The following ACKR3 variants were observed in gnomAD, a reference collection of about 807,000 sequenced individuals.
The protein encoded by ACKR3 is atypical chemokine receptor 3.
In ACKR3, 6 loss-of-function variants were observed where a neutral mutation model predicts 22.4. The ratio of observed to expected loss-of-function variants is 0.27; its 90% CI spans 0.15 to 0.53. The LOEUF is 0.53. Ranked by LOEUF, ACKR3 falls within the 20% of genes least tolerant of loss-of-function variation. ACKR3 has a pLI of 0.96. For synonymous variants in ACKR3, 209 were observed against 205.2 expected (o/e 1.02, Z -0.16); for missense variants, 396 against 475.2 (o/e 0.83, Z 1.55).
the ACKR3 span, among the ~76,000 whole-genome samples, chr2:236,549,461 G>A: frequency 1.3e-5 from 2 of 152,232 alleles, no homozygotes; most frequent in Non-Finnish European, 2.9e-5. The surrounding 1 kb of genome is among the most constrained non-coding windows in gnomAD (Gnocchi z 5.3). Context: ...ACACAGTGAG[G>A]TGGCATGTCT....
chr2:236,575,007 A>T (rs1032695029), intron 1 of ACKR3, among the ~76,000 whole-genome samples: 1 of 152,128 alleles, frequency 6.6e-6, no homozygotes, highest in Non-Finnish European at 1.5e-5. Flanking sequence ...GCCGCTAAAA[A>T]GGTGACCCCT....
chr2:236,574,281 T>A lies in ACKR3; in HGVS notation c.-27+4357T>A, dbSNP rs899197589. On this transcript the variant is annotated intron_variant, in intron 1 of 1. Transcript: ENST00000272928. This position sits in a 1 kb window ranked among gnomAD's most constrained non-coding sequence, Gnocchi z 5.6. ...AGTCGCTGGTCTTGGTGGGGCACGA[T>A]TAACTGCTGGCTCATTGAGTACCTA... Among the ~76,000 whole-genome samples, 5 of 152,104 alleles carry A rather than the reference T, an allele frequency of 3.3e-5. No individual in the cohort carries two copies. The highest frequency in any genetic ancestry group is 1.2e-4 in the African/African-American group (5 of 41,414).
Position 236,580,873 on chromosome 2 carries a change from G to A in ACKR3, c.408G>A (p.Thr136=), listed in dbSNP as rs777218823. ...INLFGSIFFL[T]CMSVDRYLSI... is the part of the protein sequence containing the mutation. ...TCTTCGGCAGCATTTTCTTCCTCAC[G>A]TGCATGAGCGTGGACCGCTACCTCT... The change falls in exon 2 of 2, where the codon ACG becomes ACA. Residue 136 remains threonine (T), a synonymous_variant. Transcript: ENST00000272928. 3.0e-5 allele frequency: 49 copies of A among 1,614,012 alleles called. No individual in the cohort carries two copies. The highest frequency in any genetic ancestry group is 3.3e-5 in the Non-Finnish European group (39 of 1,180,030).
chr2:236,549,118 T>A, the ACKR3 span, among the ~76,000 whole-genome samples: 1 of 152,244 alleles, frequency 6.6e-6, no homozygotes, highest in Non-Finnish European at 1.5e-5. The surrounding 1 kb of genome is among the most constrained non-coding windows in gnomAD (Gnocchi z 5.3). Context: ...AGATAAGCTC[T>A]TCTCATTTCC....
chr2:236,551,896 G>A, the ACKR3 span, among the ~76,000 whole-genome samples: 1 of 152,126 alleles, frequency 6.6e-6, no homozygotes, highest in Non-Finnish European at 1.5e-5. Flanking sequence ...CGTTGCCCTG[G>A]TCCCGGCAGA....
At chr2:236,570,554 A>C (rs1691287720) in intron 1 of ACKR3, among the ~76,000 whole-genome samples, 1 of 152,204 alleles carries the variant, frequency 6.6e-6, no homozygotes, top group Non-Finnish European at 1.5e-5. Context: ...TCTTCTCTTG[A>C]TGGCACGCTT....
chr2:236,574,314 C>G lies in ACKR3; in HGVS notation c.-27+4390C>G, dbSNP rs558060653. 8.5e-5 allele frequency among the ~76,000 whole-genome samples: 13 copies of G among 152,230 alleles called. No homozygotes were observed. The South Asian group carries it at 2.5e-3, about 29-fold the overall frequency. On this transcript the variant is annotated intron_variant, in intron 1 of 1. Coordinates refer to ENST00000272928, the MANE Select transcript of ACKR3 (RefSeq NM_020311.3). This position sits in a 1 kb window ranked among gnomAD's most constrained non-coding sequence, Gnocchi z 5.6. ...TGGCTCATTGAGTACCTACTATGTGCAGCTGTAGCTGTATAGCTGTATAGC... is the reference window on the plus strand; with the variant it reads ...TGGCTCATTGAGTACCTACTATGTGGAGCTGTAGCTGTATAGCTGTATAGC...
chr2:236,560,479 T>C, the ACKR3 span, among the ~76,000 whole-genome samples: 1 of 152,224 alleles, frequency 6.6e-6, no homozygotes, highest in Non-Finnish European at 1.5e-5. Flanking sequence ...ATGTCTTCTT[T>C]GGAGAAATGT....
At chr2:236,571,907 A>G (rs1360618435) in intron 1 of ACKR3, among the ~76,000 whole-genome samples, 1 of 152,232 alleles carries the variant, frequency 6.6e-6, no homozygotes, top group African/African-American at 2.4e-5. Context: ...GTACCTTTAA[A>G]CCAGGCAATC....
chr2:236,545,616 A>C, the ACKR3 span, among the ~76,000 whole-genome samples: 1 of 152,178 alleles, frequency 6.6e-6, no homozygotes, highest in Non-Finnish European at 1.5e-5. The surrounding 1 kb of genome is among the most constrained non-coding windows in gnomAD (Gnocchi z 5.3). Flanking sequence ...TCGTCAATAA[A>C]AGTGTGGCAG....
Position 236,574,183 on chromosome 2 carries a change from C to G in ACKR3, c.-27+4259C>G, listed in dbSNP as rs1219101513. On this transcript the variant is annotated intron_variant, in intron 1 of 1. Transcript: ENST00000272928. The surrounding 1 kb of genome is among the most constrained non-coding windows in gnomAD (Gnocchi z 5.6). ...GCAGTGCCTCCTGGAACAAGAGGCT[C>G]AGTCCGTCAACACCAGCTCGGTGAC... is the stretch of plus-strand genomic sequence containing the variant. Among the ~76,000 whole-genome samples the G allele has an allele frequency of 1.3e-5, 2 of 152,050 alleles. No homozygotes were observed. The highest frequency in any genetic ancestry group is 4.8e-5 in the African/African-American group (2 of 41,416).
At chr2:236,555,853 G>T in the ACKR3 span, among the ~76,000 whole-genome samples, 1 of 151,888 alleles carries the variant, frequency 6.6e-6, no homozygotes, top group African/African-American at 2.4e-5. Flanking sequence ...GGAGGCATTG[G>T]CTCACTCCTT....
At chr2:236,564,561 C>T (rs1424835020), upstream of ACKR3, among the ~76,000 whole-genome samples, 1 of 151,672 alleles carries the variant, frequency 6.6e-6, no homozygotes, top group East Asian at 1.9e-4. Context: ...GAAATCATAC[C>T]CTTGGTTGCC....
chr2:236,563,734 C>T (rs1305671899), upstream of ACKR3, among the ~76,000 whole-genome samples: 7 of 152,272 alleles, frequency 4.6e-5, no homozygotes, highest in East Asian at 1.2e-3. Context: ...GATTCCGGGA[C>T]CCCCTTAGGT....
the ACKR3 span, among the ~76,000 whole-genome samples, chr2:236,552,809 G>T: frequency 6.6e-6 from 1 of 152,260 alleles, no homozygotes; most frequent in East Asian, 1.9e-4. Flanking sequence ...CGAGAAGTAG[G>T]GTCATAGGAA....
the ACKR3 span, among the ~76,000 whole-genome samples, chr2:236,540,978 T>C: frequency 6.6e-6 from 1 of 152,232 alleles, no homozygotes; most frequent in Admixed American, 6.5e-5. Flanking sequence ...CCAAGACAAC[T>C]GGGGACATCT....
At chr2:236,550,790 C>T in the ACKR3 span, among the ~76,000 whole-genome samples, 4 of 152,194 alleles carry the variant, frequency 2.6e-5, no homozygotes, top group African/African-American at 7.2e-5. This position sits in a 1 kb window ranked among gnomAD's most constrained non-coding sequence, Gnocchi z 4.6. Context: ...TCTCCATTAA[C>T]GAGCGGCTAC....
upstream of ACKR3, among the ~76,000 whole-genome samples, chr2:236,568,377 C>T (rs1169281021): frequency 1.3e-5 from 2 of 152,234 alleles, no homozygotes; most frequent in African/African-American, 4.8e-5. Flanking sequence ...AGTCAGGACA[C>T]GTATGCTGTG....
chr2:236,540,584 G>A, the ACKR3 span, among the ~76,000 whole-genome samples: 1 of 151,940 alleles, frequency 6.6e-6, no homozygotes, highest in East Asian at 1.9e-4. Context: ...CCTGCCTCAA[G>A]GTCACAGAAC....
Sources: allele counts gnomAD v4.1 joint callset (sites outside exome capture counted in the v4.1 genomes callset), GRCh38; gene constraint gnomAD v4.1.1; non-coding constraint Gnocchi (gnomAD v3.1); transcripts MANE v1.5; gene names NCBI Gene and HGNC (gene_info 2026-07-23, HGNC 2026-07-21).